CLASP1: variants seen among roughly 807,000 people sequenced by gnomAD.
The protein encoded by CLASP1 is cytoplasmic linker associated protein 1, also known as CLIP-associating protein 1.
A neutral mutation model predicts 192.3 loss-of-function variants in CLASP1; 38 were observed. That is an observed-to-expected ratio of 0.20 (90% CI 0.15 to 0.26). The LOEUF (loss-of-function observed/expected upper bound fraction) is 0.26, where lower values mean the gene tolerates loss of function less well. Among genes scored for constraint, CLASP1 ranks in the 10% least tolerant of loss-of-function variants. The probability of loss-of-function intolerance (pLI) is 1.00; values close to 1 mark genes in which losing one functional copy is unlikely to be tolerated. For synonymous variants in CLASP1, 691 were observed against 712.8 expected, an observed-to-expected ratio of 0.97 and a Z score of 0.49; for missense variants, 1,433 against 1,932.5, an observed-to-expected ratio of 0.74 and a Z score of 4.85.
chr2:121,534,993 T>C (rs1304738456), intron 2 of CLASP1, among the ~76,000 whole-genome samples: 1 of 152,076 alleles, frequency 6.6e-6, no homozygotes, highest in African/African-American at 2.4e-5. Flanking sequence ...TCAGGCCGAG[T>C]GTGGTGTCTC....
exon 5 of CLASP1, chr2:121,527,832 C>T (rs778131218): frequency 6.2e-7 from 1 of 1,613,976 alleles, no homozygotes; most frequent in Non-Finnish European, 8.5e-7. Context: ...GAGACAGATG[C>T]CTTCTCGAGT....
chr2:121,644,674 T>G (rs1308370715), intron 1 of CLASP1, among the ~76,000 whole-genome samples: 1 of 150,964 alleles, frequency 6.6e-6, no homozygotes, highest in Non-Finnish European at 1.5e-5. Context: ...TGTAGGGGAA[T>G]AGTTGGGCCA....
At chr2:121,362,339 T>C (rs1156525015) in intron 37 of CLASP1, among the ~76,000 whole-genome samples, 1 of 152,182 alleles carries the variant, frequency 6.6e-6, no homozygotes, top group East Asian at 1.9e-4. Flanking sequence ...CTTGAAAGCC[T>C]GGTGAGGCAT....
At chr2:121,483,261 T>C (rs929270518) in intron 8 of CLASP1, among the ~76,000 whole-genome samples, 7 of 152,194 alleles carry the variant, frequency 4.6e-5, no homozygotes, top group African/African-American at 1.7e-4. Context: ...CATGAATTTC[T>C]AGCTGCTTTC....
chr2:121,591,675 C>T (rs900624204), intron 2 of CLASP1, among the ~76,000 whole-genome samples: 3 of 152,188 alleles, frequency 2.0e-5, no homozygotes, highest in South Asian at 2.1e-4. Flanking sequence ...CTATTAAGGA[C>T]GCCTGAACAT....
chr2:121,435,121 G>C (rs1441248857), intron 19 of CLASP1, among the ~76,000 whole-genome samples: 1 of 152,108 alleles, frequency 6.6e-6, no homozygotes, highest in Non-Finnish European at 1.5e-5. Context: ...AAGAGTTTGA[G>C]ACCTGCCTGG....
chr2:121,554,763 T>C (rs2058381364), intron 2 of CLASP1, among the ~76,000 whole-genome samples: 1 of 152,188 alleles, frequency 6.6e-6, no homozygotes, highest in Non-Finnish European at 1.5e-5. Context: ...GCAAATGGCA[T>C]GAGGGATCTT....
chr2:121,350,850 T>A (rs1162365747), intron 37 of CLASP1, among the ~76,000 whole-genome samples: 1 of 152,236 alleles, frequency 6.6e-6, no homozygotes, highest in Non-Finnish European at 1.5e-5. Context: ...GGTAAGATAA[T>A]GGATAACTTT....
chr2:121,344,578 G>A (rs1356021776), intron 39 of CLASP1, among the ~76,000 whole-genome samples: 2 of 151,968 alleles, frequency 1.3e-5, no homozygotes, highest in African/African-American at 2.4e-5. Flanking sequence ...TGATCCGCCC[G>A]CCTCGGCCTC....
At chr2:121,546,147 T>C (rs1486262993) in intron 2 of CLASP1, among the ~76,000 whole-genome samples, 3 of 152,154 alleles carry the variant, frequency 2.0e-5, no homozygotes, top group Non-Finnish European at 4.4e-5. Flanking sequence ...ACTTTAGCCA[T>C]GAGACTACCT....
intron 2 of CLASP1, among the ~76,000 whole-genome samples, chr2:121,566,470 T>C (rs1468362348): frequency 1.3e-5 from 2 of 152,216 alleles, no homozygotes; most frequent in African/African-American, 4.8e-5. Flanking sequence ...GACTGGGTTT[T>C]CAAGTAGAAC....
At chr2:121,554,266 T>C (rs1225470692) in intron 2 of CLASP1, among the ~76,000 whole-genome samples, 1 of 151,774 alleles carries the variant, frequency 6.6e-6, no homozygotes, top group African/African-American at 2.4e-5. Flanking sequence ...GAACAAACTA[T>C]TGACACATGC....
intron 34 of CLASP1, 111 bp from the exon 36 acceptor site, chr2:121,367,942 C>A: frequency 7.0e-7 from 1 of 1,418,524 alleles, no homozygotes; most frequent in East Asian, 2.3e-5. Flanking sequence ...TATGTATGGC[C>A]AGTGACAAAA....
intron 7 of CLASP1, among the ~76,000 whole-genome samples, chr2:121,515,456 T>C (rs13401792): frequency 0.071 from 10,855 of 152,276 alleles, 479 homozygotes; most frequent in African/African-American, 0.12. Flanking sequence ...GCCAGTTGTC[T>C]GAGTGAGAAA....
At chr2:121,495,699 A>T (rs191931704) in intron 8 of CLASP1, among the ~76,000 whole-genome samples, 89 of 152,342 alleles carry the variant, frequency 5.8e-4, no homozygotes, top group African/African-American at 2.1e-3. Context: ...TAAATAAATA[A>T]TACATTAAAT....
At chr2:121,466,029 A>G (rs1053332969) in intron 9 of CLASP1, among the ~76,000 whole-genome samples, 1 of 152,188 alleles carries the variant, frequency 6.6e-6, no homozygotes, top group African/African-American at 2.4e-5. Context: ...TTCAAGATGG[A>G]TTAAAAACTT....
At chr2:121,527,471 C>T (rs150382141) in intron 5 of CLASP1, among the ~76,000 whole-genome samples, 37 of 152,262 alleles carry the variant, frequency 2.4e-4, no homozygotes, top group African/African-American at 8.9e-4. Flanking sequence ...CAAATACATT[C>T]ATGGTTGCCA....
chr2:121,547,080 C>A (rs951672349), intron 2 of CLASP1, among the ~76,000 whole-genome samples: 3 of 152,116 alleles, frequency 2.0e-5, no homozygotes, highest in Non-Finnish European at 4.4e-5. Context: ...TGGAGTGGAC[C>A]CCCAACATAT....
At chr2:121,498,803 A>G (rs1015917341) in intron 8 of CLASP1, among the ~76,000 whole-genome samples, 1 of 152,260 alleles carries the variant, frequency 6.6e-6, no homozygotes, top group Non-Finnish European at 1.5e-5. Context: ...AGGGCTAATA[A>G]GCACATGAAA....
Sources: allele counts gnomAD v4.1 joint callset (sites outside exome capture counted in the v4.1 genomes callset), GRCh38; gene constraint gnomAD v4.1.1; transcripts MANE v1.5; gene names NCBI Gene and HGNC (gene_info 2026-07-23, HGNC 2026-07-21).